HLCS: variants seen among roughly 807,000 people sequenced by gnomAD.
HLCS encodes holocarboxylase synthetase.
A neutral mutation model predicts 75.0 loss-of-function variants in HLCS; 53 were observed. That is an observed-to-expected ratio of 0.71 (90% CI 0.57 to 0.89). The LOEUF (loss-of-function observed/expected upper bound fraction) is 0.89, where lower values mean the gene tolerates loss of function less well. HLCS is among the 40% of genes least tolerant of loss of function. HLCS has a pLI of 0.00. For synonymous variants in HLCS, 431 were observed against 428.6 expected (o/e 1.01, Z -0.07); for missense variants, 966 against 1,074.0 (o/e 0.90, Z 1.41).
intron 6 of HLCS, among the ~76,000 whole-genome samples, chr21:36,882,528 C>A (rs756232773): frequency 6.6e-6 from 1 of 151,900 alleles, no homozygotes; most frequent in African/African-American, 2.4e-5. Context: ...GCAACCTCCA[C>A]CTCCTGGGTT....
At chr21:36,824,856 G>T (rs896031277) in intron 6 of HLCS, among the ~76,000 whole-genome samples, 13 of 152,164 alleles carry the variant, frequency 8.5e-5, no homozygotes, top group African/African-American at 2.9e-4. Context: ...TCACTGAAGA[G>T]ACGGCAGCCA....
intron 6 of HLCS, among the ~76,000 whole-genome samples, chr21:36,787,982 C>A (rs1222314078): frequency 6.6e-6 from 1 of 152,212 alleles, no homozygotes; most frequent in African/African-American, 2.4e-5. Context: ...CTTTGCTCTG[C>A]ATCCCTCTGG....
intron 5 of HLCS, among the ~76,000 whole-genome samples, chr21:36,912,963 T>C (rs1309602548): frequency 1.3e-5 from 2 of 152,216 alleles, no homozygotes. Flanking sequence ...TCCAGCTAAA[T>C]GATTTTAAGT....
rs553879568 is a variant in HLCS, at chr21:36,927,890, C to A, written c.1620+2361G>T. The stretch of plus-strand genomic sequence containing the variant: ...CAGAAAGCCAGCCCAGGCATCCAAT[C>A]CCTAAGGCAGGCGATGAGCCAAATG... On this transcript the variant is annotated intron_variant, in intron 5 of 10. Coordinates refer to ENST00000674895, the MANE Select transcript of HLCS (RefSeq NM_001352514.2). 1.4e-3 allele frequency among the ~76,000 whole-genome samples: 208 copies of A among 152,302 alleles called. 2 individuals are homozygous for A. The highest frequency in any genetic ancestry group is 4.7e-3 in the African/African-American group (197 of 41,562).
intron 5 of HLCS, among the ~76,000 whole-genome samples, chr21:36,911,321 C>A (rs998550229): frequency 2.0e-5 from 3 of 152,182 alleles, no homozygotes; most frequent in Admixed American, 2.0e-4. Context: ...AGCCTGGAAC[C>A]CATCCAGCCA....
intron 5 of HLCS, among the ~76,000 whole-genome samples, chr21:36,910,242 A>G (rs1333279410): frequency 2.0e-5 from 3 of 152,198 alleles, no homozygotes; most frequent in African/African-American, 7.2e-5. Flanking sequence ...AAATCTTTAT[A>G]ATCAAAAGAT....
At chr21:36,880,987 T>C (rs1297812671) in intron 6 of HLCS, among the ~76,000 whole-genome samples, 1 of 148,140 alleles carries the variant, frequency 6.8e-6, no homozygotes, top group Non-Finnish European at 1.5e-5. Flanking sequence ...TGTTTGTTTG[T>C]TTTGAGATAG....
chr21:36,799,396 C>T (rs1432720705), intron 6 of HLCS, among the ~76,000 whole-genome samples: 5 of 152,186 alleles, frequency 3.3e-5, no homozygotes, highest in South Asian at 2.1e-4. Flanking sequence ...TACACCAACA[C>T]GCATAGTCTT....
intron 6 of HLCS, among the ~76,000 whole-genome samples, chr21:36,776,829 G>A (rs1268554379): frequency 6.6e-6 from 1 of 152,234 alleles, no homozygotes; most frequent in Non-Finnish European, 1.5e-5. Flanking sequence ...CAAACCTGCC[G>A]TCCGAGGGCA....
chr21:36,759,191 G>A (rs751055741), intron 9 of HLCS: 8 of 470,924 alleles, frequency 1.7e-5, no homozygotes, highest in Admixed American at 9.4e-5. Context: ...ATGACTGGAC[G>A]GCCAGGAACC....
chr21:36,770,990 C>T (rs1208845824), intron 6 of HLCS, among the ~76,000 whole-genome samples: 2 of 152,068 alleles, frequency 1.3e-5, no homozygotes, highest in African/African-American at 4.8e-5. Flanking sequence ...GAGGCCGAGG[C>T]AGGCGGATCA....
rs2089343909 is a variant in HLCS, at chr21:36,750,928, G to A, written c.*3318C>T. On this transcript the variant is annotated 3_prime_UTR_variant, in exon 11 of 11. Transcript: ENST00000674895. ...TTTATTTCTCACCTCCATTAAAAGGGTTTTTGCTTTGGAGTTTTGTTAACT... is the reference window on the plus strand; with the variant it reads ...TTTATTTCTCACCTCCATTAAAAGGATTTTTGCTTTGGAGTTTTGTTAACT... 1 of 151,370 alleles carries A rather than the reference G, an allele frequency of 6.6e-6. No homozygotes were observed. Among genetic ancestry groups the A allele is most frequent in the Non-Finnish European group, 1.5e-5 (1 of 67,920 alleles). 9.4% of individuals were successfully genotyped at this position (151,370 alleles called of 1,614,324 possible).
At chr21:36,850,359 T>C (rs963891792) in intron 6 of HLCS, among the ~76,000 whole-genome samples, 2 of 152,204 alleles carry the variant, frequency 1.3e-5, no homozygotes, top group African/African-American at 4.8e-5. Context: ...TCTGGCCCTG[T>C]GTGGGGTTTC....
At chr21:36,789,039 C>G (rs1403409679) in intron 6 of HLCS, among the ~76,000 whole-genome samples, 1 of 151,992 alleles carries the variant, frequency 6.6e-6, no homozygotes, top group Non-Finnish European at 1.5e-5. Flanking sequence ...TTTTTTTGCT[C>G]TACTTCTTTT....
At chr21:36,867,919 G>A (rs556018469) in intron 6 of HLCS, among the ~76,000 whole-genome samples, 13 of 152,120 alleles carry the variant, frequency 8.5e-5, no homozygotes, top group East Asian at 1.9e-4. Flanking sequence ...GATCTCTTAC[G>A]GTTGGGAGGA....
chr21:36,981,169 G>A (rs2069112651), intron 1 of HLCS, among the ~76,000 whole-genome samples: 1 of 152,198 alleles, frequency 6.6e-6, no homozygotes, highest in Non-Finnish European at 1.5e-5. Context: ...CAGGAAATGG[G>A]TCTGTTTTCC....
intron 6 of HLCS, among the ~76,000 whole-genome samples, chr21:36,820,899 A>G (rs943218314): frequency 1.3e-5 from 2 of 152,080 alleles, no homozygotes; most frequent in African/African-American, 4.8e-5. Context: ...GTGGGTGGTG[A>G]CCCCGTGGAG....
intron 6 of HLCS, among the ~76,000 whole-genome samples, chr21:36,884,059 G>A (rs906293955): frequency 5.1e-4 from 77 of 152,330 alleles, no homozygotes; most frequent in African/African-American, 1.7e-3. Flanking sequence ...CCCGGAGAGA[G>A]TAGTTCTGTG....
intron 6 of HLCS, among the ~76,000 whole-genome samples, chr21:36,784,722 G>T (rs2060636818): frequency 6.6e-6 from 1 of 152,054 alleles, no homozygotes; most frequent in Non-Finnish European, 1.5e-5. Context: ...TCAAAATGGG[G>T]TTCTTGCTTT....
Sources: allele counts gnomAD v4.1 joint callset (sites outside exome capture counted in the v4.1 genomes callset), GRCh38; gene constraint gnomAD v4.1.1; transcripts MANE v1.5; gene names NCBI Gene and HGNC (gene_info 2026-07-23, HGNC 2026-07-21).